Variants in GJB7 observed in about 807,000 individuals in gnomAD.
GJB7 encodes gap junction protein beta 7.
For synonymous variants in GJB7, 87 were observed against 95.2 expected (o/e 0.91, Z 0.50); for missense variants, 253 against 256.8 (o/e 0.99, Z 0.10).
At chr6:87,312,278 C>T (rs1432121693) in intron 2 of GJB7, among the ~76,000 whole-genome samples, 1 of 150,440 alleles carries the variant, frequency 6.6e-6, no homozygotes, top group Admixed American at 6.6e-5. Context: ...CTTTGGGAGG[C>T]TGAGGTGGAT....
At chr6:87,321,226 CAAAAA>C (rs56855977) in intron 2 of GJB7, among the ~76,000 whole-genome samples, 1 of 101,368 alleles carries the variant, frequency 9.9e-6, no homozygotes, top group African/African-American at 3.8e-5. Context: ...CACTCCATCT[CAAAAA>C]AAAAAAAAAA....
chr6:87,319,910 A>C (rs1345455767), intron 2 of GJB7, among the ~76,000 whole-genome samples: 1 of 152,246 alleles, frequency 6.6e-6, no homozygotes, highest in Non-Finnish European at 1.5e-5. Flanking sequence ...TAAGCCAGGC[A>C]CAGGAAGACA....
Position 87,307,219 on chromosome 6 carries a change from T to TA in GJB7, c.-28+15646dup, listed in dbSNP as rs202119775. On this transcript the variant is annotated intron_variant, in intron 2 of 2. Coordinates refer to ENST00000525899, the MANE Select transcript of GJB7 (RefSeq NM_198568.3). ...TTTTTAGCCAAAAAAAAAAAACTAT[T>TA]AAAAAAAAGATGGATTAAAGACTTA... 7.8e-3 allele frequency among the ~76,000 whole-genome samples: 1,147 copies of TA among 147,830 alleles called. 15 individuals carry two copies. Among genetic ancestry groups the TA allele is most frequent in the African/African-American group, 0.027 (1,087 of 40,238 alleles).
chr6:87,290,610 A>G (rs1185759765), intron 2 of GJB7, among the ~76,000 whole-genome samples: 1 of 152,222 alleles, frequency 6.6e-6, no homozygotes, highest in Non-Finnish European at 1.5e-5. Context: ...AAAAAAGCTG[A>G]ATGACCAGCT....
chr6:87,305,473 T>C (rs1776409765), intron 2 of GJB7, among the ~76,000 whole-genome samples: 1 of 152,130 alleles, frequency 6.6e-6, no homozygotes, highest in Non-Finnish European at 1.5e-5. Flanking sequence ...TTACAAGGGA[T>C]GTGAAGGACC....
chr6:87,326,177 C>A lies in GJB7; in HGVS notation c.-206+2961G>T, dbSNP rs182620353. 8.3e-3 allele frequency among the ~76,000 whole-genome samples: 1,271 copies of A among 152,230 alleles called. 28 individuals are homozygous for A. Among genetic ancestry groups the A allele is most frequent in the African/African-American group, 0.03 (1,240 of 41,520 alleles). On this transcript the variant is annotated intron_variant, in intron 1 of 2. Coordinates refer to ENST00000525899, the MANE Select transcript of GJB7 (RefSeq NM_198568.3). ...TCTCTTTTTATCTTTATTAGTCTTG[C>A]TAGCGGTCTATCAATTTTGTTGATC... is the stretch of plus-strand genomic sequence containing the variant.
chr6:87,286,688 G>T (rs1776066137), intron 2 of GJB7, among the ~76,000 whole-genome samples: 1 of 152,150 alleles, frequency 6.6e-6, no homozygotes, highest in Admixed American at 6.5e-5. Context: ...TTCATTGTTT[G>T]TTGGGTCCAT....
At chr6:87,287,146 C>G (rs909724844) in intron 2 of GJB7, among the ~76,000 whole-genome samples, 1 of 152,222 alleles carries the variant, frequency 6.6e-6, no homozygotes, top group Non-Finnish European at 1.5e-5. Flanking sequence ...AGAGCCACTG[C>G]TTTAACTTTC....
intron 1 of GJB7, among the ~76,000 whole-genome samples, chr6:87,328,274 A>G (rs1038216953): frequency 1.1e-4 from 17 of 151,382 alleles, no homozygotes; most frequent in African/African-American, 3.9e-4. Flanking sequence ...TCTCCGTCCA[A>G]CTTTGTTCCG....
chr6:87,324,483 C>T (rs1246457816), intron 1 of GJB7, among the ~76,000 whole-genome samples: 2 of 150,612 alleles, frequency 1.3e-5, no homozygotes, highest in Admixed American at 1.3e-4. Context: ...CAGCTTTCTA[C>T]ATATGGCTAG....
intron 2 of GJB7, among the ~76,000 whole-genome samples, chr6:87,312,942 G>T (rs1389854106): frequency 1.3e-5 from 2 of 152,202 alleles, no homozygotes; most frequent in African/African-American, 4.8e-5. Context: ...TGAGCATCTT[G>T]TTCAGATTAG....
rs566978636 is a variant in GJB7, at chr6:87,284,261, G to T, written c.652C>A (p.Pro218Thr). 6.2e-7 allele frequency: 1 copy of T among 1,613,322 alleles called. No individual in the cohort carries two copies. Among genetic ancestry groups the T allele is most frequent in the South Asian group, 1.1e-5 (1 of 91,070 alleles). Residue 218 changes from proline (P) to threonine (T), a missense_variant, in exon 3 of 3, where the codon CCT becomes ACT. By Grantham distance (38) the Pro-to-Thr change is conservative (BLOSUM62 -1). Coordinates refer to ENST00000525899, the MANE Select transcript of GJB7 (RefSeq NM_198568.3). Reference sequence around the variant, plus strand: ...GGCACTCACACACTGAGGACTTGAGGTTTTTTTAAATATTTTTGGAGACAG... The same window carrying T: ...GGCACTCACACACTGAGGACTTGAGTTTTTTTTAAATATTTTTGGAGACAG... ...KCCLQKYLKKPQVLSV is the reference protein window; with the variant it reads ...KCCLQKYLKKTQVLSV
At position 87,318,826 on chromosome 6, in the gene GJB7, C is replaced by G. The variant is rs543285313; in HGVS notation, c.-28+4040G>C. The stretch of plus-strand genomic sequence containing the variant: ...CCTTGGCTCACATTGATCATATCAA[C>G]TACTTTGGCTTGGCTTTCTGGTAGG... On this transcript the variant is annotated intron_variant, in intron 2 of 2. Transcript: ENST00000525899. Among the ~76,000 whole-genome samples the G allele has an allele frequency of 2.6e-5, 4 of 152,284 alleles. No homozygotes were observed. In the South Asian group the frequency reaches 8.3e-4, roughly 32 times the overall value.
At chr6:87,304,427 G>A (rs1776387788) in intron 2 of GJB7, among the ~76,000 whole-genome samples, 1 of 152,160 alleles carries the variant, frequency 6.6e-6, no homozygotes, top group Admixed American at 6.5e-5. Context: ...AAATCTAGAA[G>A]AAATGGATAA....
At chr6:87,288,351 T>C (rs557480980) in intron 2 of GJB7, among the ~76,000 whole-genome samples, 2 of 152,278 alleles carry the variant, frequency 1.3e-5, no homozygotes, top group African/African-American at 4.8e-5. Flanking sequence ...CTTGTAACAA[T>C]TGGAGAAAGC....
At chr6:87,325,504 T>A (rs1275178330) in intron 1 of GJB7, among the ~76,000 whole-genome samples, 1 of 22,246 alleles carries the variant, frequency 4.5e-5, no homozygotes, top group East Asian at 8.9e-4. Context: ...CAAAGGCCTG[T>A]CTGCATCTAT....
intron 2 of GJB7, among the ~76,000 whole-genome samples, chr6:87,315,447 C>T (rs952197987): frequency 3.9e-5 from 6 of 152,116 alleles, no homozygotes; most frequent in African/African-American, 1.4e-4. Flanking sequence ...GGATAGAAAC[C>T]TGGAGCTGCC....
chr6:87,291,928 C>T (rs1776180869), intron 2 of GJB7: 2 of 152,298 alleles, frequency 1.3e-5, no homozygotes, highest in South Asian at 4.1e-4. Context: ...ATAAGCTTAA[C>T]TTACCTCTTT....
chr6:87,305,689 A>G lies in GJB7; in HGVS notation c.-28+17177T>C, dbSNP rs981033890. 4.6e-5 allele frequency among the ~76,000 whole-genome samples: 7 copies of G among 152,340 alleles called. No individual in the cohort carries two copies. The South Asian group carries it at 1.2e-3, about 27-fold the overall frequency. ...TGGAAAAAGCTACTTTAAAGTTCAT[A>G]TGGAACCAAAAAAGAGCCAGCATTG... On this transcript the variant is annotated intron_variant, in intron 2 of 2. Coordinates refer to ENST00000525899, the MANE Select transcript of GJB7 (RefSeq NM_198568.3).
Sources: allele counts gnomAD v4.1 joint callset (sites outside exome capture counted in the v4.1 genomes callset), GRCh38; gene constraint gnomAD v4.1.1; transcripts MANE v1.5; gene names NCBI Gene and HGNC (gene_info 2026-07-23, HGNC 2026-07-21).